SVIL: variants seen among roughly 807,000 people sequenced by gnomAD.
SVIL encodes the protein archvillin.
SVIL carries 101 observed loss-of-function variants against 240.4 expected under a neutral mutation model. The ratio of observed to expected loss-of-function variants is 0.42; its 90% confidence interval spans 0.36 to 0.50. The LOEUF is 0.50. Ranked by LOEUF, SVIL falls within the 20% of genes least tolerant of loss-of-function variation. The probability of loss-of-function intolerance (pLI) is 0.01; values close to 1 mark genes in which losing one functional copy is unlikely to be tolerated. For missense variants in SVIL, 2,512 were observed against 2,818.7 expected, an observed-to-expected ratio of 0.89 and a Z score of 2.46; for synonymous variants, 999 against 1,100.0, an observed-to-expected ratio of 0.91 and a Z score of 1.82.
In SVIL at chr10:29,495,361, C is replaced by T. The variant is rs28436740; in HGVS notation, c.3665-180G>A. Among the ~76,000 whole-genome samples the T allele has an allele frequency of 0.094, 13,857 of 148,094 alleles. 746 individuals are homozygous for T. The highest frequency in any genetic ancestry group is 0.16 in the Admixed American group (2,454 of 14,932). On this transcript the variant is annotated intron_variant, in intron 18 of 37. Coordinates refer to ENST00000355867, the MANE Select transcript of SVIL (RefSeq NM_021738.3). ...CGACTGTGGGACAACCAACTGCAAA[C>T]GTAGACTGGATTTTATTATTTCCAA... is the stretch of plus-strand genomic sequence containing the variant.
intron 3 of SVIL, among the ~76,000 whole-genome samples, chr10:29,640,611 G>A (rs776125070): frequency 3.9e-5 from 6 of 152,110 alleles, no homozygotes; most frequent in Non-Finnish European, 7.4e-5. Context: ...TCTCCCATCA[G>A]GAAACTTGTA....
chr10:29,627,094 A>C (rs187130425), intron 1 of SVIL, among the ~76,000 whole-genome samples: 75 of 152,318 alleles, frequency 4.9e-4, no homozygotes, highest in African/African-American at 1.8e-3. Flanking sequence ...AAGAATGATT[A>C]TGAAGCCATC....
chr10:29,523,523 A>G lies in SVIL; in HGVS notation c.3091T>C (p.Leu1031=). ...AKMNAQGNLD[L]RDRLPFEEKV... is the part of the protein sequence containing the mutation. Reference sequence around the variant, plus strand: ...TCTTCAAAGGGCAGCCTGTCCCTCAAGTCCAAGTTTCCTTGTGCATTCATT... The same window carrying G: ...TCTTCAAAGGGCAGCCTGTCCCTCAGGTCCAAGTTTCCTTGTGCATTCATT... Residue 1031 remains leucine, a synonymous_variant, in exon 15 of 38, where the codon TTG becomes CTG. Coordinates refer to ENST00000355867, the MANE Select transcript of SVIL (RefSeq NM_021738.3). 1 of 1,614,148 alleles carries G rather than the reference A, an allele frequency of 6.2e-7. No individual in the cohort carries two copies. The highest frequency in any genetic ancestry group is 8.5e-7 in the Non-Finnish European group (1 of 1,180,012).
At chr10:29,611,163 A>T (rs1460723036) in intron 1 of SVIL, among the ~76,000 whole-genome samples, 3 of 152,082 alleles carry the variant, frequency 2.0e-5, no homozygotes, top group African/African-American at 7.2e-5. Context: ...CTGGAGCATG[A>T]TCTACAGTCC....
chr10:29,470,757 A>G (rs946246284), intron 31 of SVIL, among the ~76,000 whole-genome samples: 5 of 152,174 alleles, frequency 3.3e-5, no homozygotes, highest in Admixed American at 6.5e-5. Context: ...CAAGATTTAT[A>G]CAACAAGTTC....
intron 2 of SVIL, among the ~76,000 whole-genome samples, chr10:29,685,910 A>G (rs1961033525): frequency 6.6e-6 from 1 of 152,194 alleles, no homozygotes; most frequent in Non-Finnish European, 1.5e-5. Context: ...CAATAGAAAT[A>G]TCTCCATCAA....
chr10:29,672,934 G>A (rs1303324362), intron 2 of SVIL, among the ~76,000 whole-genome samples: 1 of 152,122 alleles, frequency 6.6e-6, no homozygotes, highest in Non-Finnish European at 1.5e-5. Flanking sequence ...GTTGTTTTGA[G>A]ACAGAGTCTC....
At chr10:29,673,804 A>G (rs2133064013) in intron 2 of SVIL, among the ~76,000 whole-genome samples, 1 of 152,320 alleles carries the variant, frequency 6.6e-6, no homozygotes, top group South Asian at 2.1e-4. Flanking sequence ...AAACCATATC[A>G]GCATTACAGC....
chr10:29,587,884 A>G (rs1312592688), intron 1 of SVIL, among the ~76,000 whole-genome samples: 1 of 152,206 alleles, frequency 6.6e-6, no homozygotes, highest in Non-Finnish European at 1.5e-5. Flanking sequence ...ATTTCCAGCT[A>G]AGGAGGCGGA....
rs1304863363 is a variant in SVIL, at chr10:29,574,281, CTG to C, written c.-200-4971_-200-4970del. 2.0e-5 allele frequency among the ~76,000 whole-genome samples: 3 copies of C among 152,174 alleles called. No homozygotes were observed. In the East Asian group the frequency reaches 5.8e-4, roughly 29 times the overall value. ...ACCTGCTTTAGGAGAAGGGGTAAAA[CTG>C]TGTGCCTGGGAGAGGCTGAGGGAGG... On this transcript the variant is annotated intron_variant, in intron 1 of 37. Coordinates refer to ENST00000355867, the MANE Select transcript of SVIL (RefSeq NM_021738.3).
At chr10:29,624,166 C>CAA (rs58064632) in intron 1 of SVIL, among the ~76,000 whole-genome samples, 11,390 of 135,970 alleles carry the variant, frequency 0.084, 543 homozygotes, top group African/African-American at 0.11. Context: ...AATGAGCTTT[C>CAA]AAAAAAAAAA....
At chr10:29,684,340 C>A (rs141158243) in intron 2 of SVIL, among the ~76,000 whole-genome samples, 1 of 152,000 alleles carries the variant, frequency 6.6e-6, no homozygotes, top group South Asian at 2.1e-4. Context: ...GTACCCAAGG[C>A]GGTTGGGTTA....
At chr10:29,542,709 C>T (rs937399085) in intron 6 of SVIL, among the ~76,000 whole-genome samples, 2 of 152,102 alleles carry the variant, frequency 1.3e-5, no homozygotes, top group Non-Finnish European at 2.9e-5. Flanking sequence ...TTAAAATGCA[C>T]GATTATTAGA....
chr10:29,504,820 G>T (rs555787975), intron 17 of SVIL, among the ~76,000 whole-genome samples: 1 of 152,158 alleles, frequency 6.6e-6, no homozygotes, highest in Non-Finnish European at 1.5e-5. Context: ...TACTCTTACC[G>T]TATGATACAG....
Position 29,473,981 on chromosome 10 carries a change from G to A in SVIL, c.5386C>T (p.Arg1796Cys), listed in dbSNP as rs924236575. ...KFMVSTAVGS[R>C]QKGEHSVRAA... ...CTCACCGAGTGCTCTCCCTTCTGGC[G>A]ACTTCCCACTGCAAACACAGAATGG... is the stretch of plus-strand genomic sequence containing the variant. Residue 1796 changes from arginine (R) to cysteine (C), a missense_variant, in exon 30 of 38, where the codon CGC (arginine) becomes TGC (cysteine). Physicochemically the swap from Arg to Cys is radical, Grantham distance 180. Coordinates refer to ENST00000355867, the MANE Select transcript of SVIL (RefSeq NM_021738.3). The A allele has an allele frequency of 1.5e-5, 25 of 1,613,138 alleles. No individual in the cohort carries two copies. The highest frequency in any genetic ancestry group is 2.2e-5 in the East Asian group (1 of 44,874).
intron 3 of SVIL, among the ~76,000 whole-genome samples, chr10:29,642,465 A>C (rs969569936): frequency 1.7e-4 from 8 of 48,070 alleles, no homozygotes; most frequent in African/African-American, 3.8e-4. Context: ...GAAAGAAAGA[A>C]AGACCGACCC....
At chr10:29,655,094 C>T (rs1790241403) in intron 3 of SVIL, among the ~76,000 whole-genome samples, 1 of 152,070 alleles carries the variant, frequency 6.6e-6, no homozygotes, top group Admixed American at 6.6e-5. Flanking sequence ...GCCAGGTTGA[C>T]AAATGTATTA....
At chr10:29,603,908 A>T (rs954037762) in intron 1 of SVIL, among the ~76,000 whole-genome samples, 34 of 152,240 alleles carry the variant, frequency 2.2e-4, no homozygotes, top group African/African-American at 8.2e-4. Flanking sequence ...TAATAAGCCC[A>T]CAGTACAGTC....
chr10:29,506,994 A>C (rs531657046), intron 17 of SVIL, among the ~76,000 whole-genome samples: 1 of 152,294 alleles, frequency 6.6e-6, no homozygotes, highest in South Asian at 2.1e-4. Flanking sequence ...GAAACCAGCC[A>C]TTCCTATTTT....
Sources: allele counts gnomAD v4.1 joint callset (sites outside exome capture counted in the v4.1 genomes callset), GRCh38; gene constraint gnomAD v4.1.1; transcripts MANE v1.5; gene names NCBI Gene and HGNC (gene_info 2026-07-23, HGNC 2026-07-21).